Variants in ACKR2 observed in about 807,000 individuals in gnomAD.
ACKR2 encodes atypical chemokine receptor 2.
For missense variants in ACKR2, 457 were observed against 477.3 expected, an observed-to-expected ratio of 0.96 and a Z score of 0.40; for synonymous variants, 207 against 192.2, an observed-to-expected ratio of 1.08 and a Z score of -0.64.
At chr3:42,840,321 C>T (rs1409283603) in intron 2 of ACKR2, among the ~76,000 whole-genome samples, 1 of 148,814 alleles carries the variant, frequency 6.7e-6, no homozygotes, top group African/African-American at 2.5e-5. Context: ...GAGTCTGAGG[C>T]CAGACTTTCT....
At chr3:42,832,904 C>A (rs1700945809) in intron 2 of ACKR2, among the ~76,000 whole-genome samples, 1 of 151,588 alleles carries the variant, frequency 6.6e-6, no homozygotes, top group Middle Eastern at 3.2e-3. Context: ...GACTCTGTTG[C>A]CCAGGCTGGA....
intron 2 of ACKR2, among the ~76,000 whole-genome samples, chr3:42,858,484 CAA>C (rs1217003270): frequency 6.6e-6 from 1 of 152,116 alleles, no homozygotes; most frequent in Non-Finnish European, 1.5e-5. Context: ...TCAACATCAA[CAA>C]AAGAGACATC....
intron 2 of ACKR2, among the ~76,000 whole-genome samples, chr3:42,821,853 C>T (rs1037317491): frequency 1.3e-5 from 2 of 151,914 alleles, no homozygotes; most frequent in Non-Finnish European, 2.9e-5. Flanking sequence ...CCCACTACCA[C>T]GCCCGGCTAA....
chr3:42,865,274 G>T lies in ACKR2; in HGVS notation c.772G>T (p.Ala258Ser). ...ALKIAAALVV[A>S]FFVLWFPYNL... is the part of the protein sequence containing the mutation. Reference sequence around the variant, plus strand: ...AAAAATAGCTGCAGCCTTGGTGGTGGCCTTCTTCGTGCTATGGTTCCCATA... The same window carrying T: ...AAAAATAGCTGCAGCCTTGGTGGTGTCCTTCTTCGTGCTATGGTTCCCATA... Residue 258 changes from alanine (A) to serine (S), a missense_variant, in exon 3 of 3, where the codon GCC becomes TCC. Physicochemically the swap from Ala to Ser is moderately conservative, Grantham distance 99. Coordinates refer to ENST00000422265, the MANE Select transcript of ACKR2 (RefSeq NM_001296.5). 1 of 1,614,204 alleles carries T rather than the reference G, an allele frequency of 6.2e-7. No homozygotes were observed. Among genetic ancestry groups the T allele is most frequent in the Non-Finnish European group, 8.5e-7 (1 of 1,180,046 alleles).
chr3:42,839,761 C>G (rs1012038829), intron 2 of ACKR2, among the ~76,000 whole-genome samples: 1 of 152,118 alleles, frequency 6.6e-6, no homozygotes, highest in African/African-American at 2.4e-5. Context: ...AGAGGATGAT[C>G]GGATGCTCCA....
chr3:42,831,571 A>T (rs1700932686), intron 2 of ACKR2, among the ~76,000 whole-genome samples: 2 of 152,132 alleles, frequency 1.3e-5, no homozygotes, highest in South Asian at 4.1e-4. Context: ...CTGAGTGTGG[A>T]TGAGCTCCAT....
chr3:42,865,458 T>G lies in ACKR2; in HGVS notation c.956T>G (p.Phe319Cys). 6.2e-7 allele frequency: 1 copy of G among 1,614,144 alleles called. No homozygotes were observed. The highest frequency in any genetic ancestry group is 8.5e-7 in the Non-Finnish European group (1 of 1,180,034). Residue 319 changes from phenylalanine (F) to cysteine (C), a missense_variant, in exon 3 of 3, where the codon TTC (phenylalanine) becomes TGC (cysteine). By Grantham distance (205) the Phe-to-Cys change is radical. Coordinates refer to ENST00000422265, the MANE Select transcript of ACKR2 (RefSeq NM_001296.5). ...PILYAFSSHRFRQYLKAFLAA... is the reference protein window; with the variant it reads ...PILYAFSSHRCRQYLKAFLAA... ...CTGTATGCCTTCTCCAGTCACCGCT[T>G]CCGCCAGTACCTGAAGGCTTTCCTG...
At chr3:42,860,691 G>A (rs370435507) in intron 2 of ACKR2, among the ~76,000 whole-genome samples, 1 of 152,176 alleles carries the variant, frequency 6.6e-6, no homozygotes, top group South Asian at 2.1e-4. Context: ...TCAAGTTAGA[G>A]TTCAAGATTA....
chr3:42,860,208 G>A (rs1186255980), intron 2 of ACKR2, among the ~76,000 whole-genome samples: 1 of 96,268 alleles, frequency 1.0e-5, no homozygotes, highest in African/African-American at 3.7e-5. Flanking sequence ...TGCAATCCTA[G>A]TCTCTGATAA....
At chr3:42,818,575 T>G (rs1178585286) in intron 1 of ACKR2, among the ~76,000 whole-genome samples, 1 of 152,158 alleles carries the variant, frequency 6.6e-6, no homozygotes, top group Non-Finnish European at 1.5e-5. Context: ...TGGCATAATT[T>G]TTTTGAGACG....
rs17074830 is a variant in ACKR2 at position 42,812,649 on chromosome 3, C to G, written c.-119+3117C>G. On this transcript the variant is annotated intron_variant, in intron 1 of 2. Coordinates refer to ENST00000422265, the MANE Select transcript of ACKR2 (RefSeq NM_001296.5). ...TTCCATGCAGCTTAAAACTGAAAACCTTTAATAAAAGTGGTTGGGCAATTT... is the reference window on the plus strand; with the variant it reads ...TTCCATGCAGCTTAAAACTGAAAACGTTTAATAAAAGTGGTTGGGCAATTT... Among the ~76,000 whole-genome samples the G allele has an allele frequency of 8.7e-3, 1,197 of 137,718 alleles. 18 individuals are homozygous for G. Among genetic ancestry groups the G allele is most frequent in the African/African-American group, 0.03 (1,126 of 37,314 alleles). 90.3% of individuals were successfully genotyped at this position (137,718 alleles called of 152,430 possible). A position where few individuals can be genotyped will look rare whatever the true frequency, so the allele number is the denominator to read the frequency against.
intron 2 of ACKR2, among the ~76,000 whole-genome samples, chr3:42,845,848 CAAAAAAAAAA>C (rs35395771): frequency 2.0e-5 from 1 of 49,416 alleles, no homozygotes; most frequent in African/African-American, 5.8e-5. Context: ...GACTCCGTCT[CAAAAAAAAAA>C]AAAAAAAGAA....
chr3:42,834,225 C>T (rs1487814819), intron 2 of ACKR2, among the ~76,000 whole-genome samples: 6 of 152,068 alleles, frequency 3.9e-5, no homozygotes, highest in Middle Eastern at 3.2e-3. Context: ...CCCAAAGTAC[C>T]GGGATTACAG....
intron 2 of ACKR2, among the ~76,000 whole-genome samples, chr3:42,828,092 A>ATATTTTTTTTTTTTTTTTTTTTTT (rs1193533555): frequency 8.2e-6 from 1 of 121,900 alleles, no homozygotes; most frequent in African/African-American, 3.2e-5. Context: ...ATATATATAT[A>ATATTTTTTTTTTTTTTTTTTTTTT]TTTTTTTTTT....
At chr3:42,853,853 C>T (rs956010711) in intron 2 of ACKR2, among the ~76,000 whole-genome samples, 5 of 152,152 alleles carry the variant, frequency 3.3e-5, no homozygotes, top group African/African-American at 1.2e-4. Context: ...AAGTATTTTC[C>T]ACTAGAAGTG....
intron 2 of ACKR2, among the ~76,000 whole-genome samples, chr3:42,837,594 T>C (rs1700997861): frequency 6.6e-6 from 1 of 152,086 alleles, no homozygotes; most frequent in Non-Finnish European, 1.5e-5. Flanking sequence ...CAGATCACCT[T>C]TTCTCTGTTT....
In ACKR2 at chr3:42,852,024, T is replaced by G. The variant is rs1483614135; in HGVS notation, c.-37-12442T>G. 6.6e-6 allele frequency among the ~76,000 whole-genome samples: 1 copy of G among 152,226 alleles called. No individual in the cohort carries two copies. The highest frequency in any genetic ancestry group is 2.4e-5 in the African/African-American group (1 of 41,470). On this transcript the variant is annotated intron_variant, in intron 2 of 2. Transcript: ENST00000422265. This position sits in a 1 kb window ranked among gnomAD's most constrained non-coding sequence, Gnocchi z 4.3. ...ATTTAATCAGCGAGTTTATTCATTTTAGGGGCTGGAAGAGAACCAATAGTA... is the reference window on the plus strand; with the variant it reads ...ATTTAATCAGCGAGTTTATTCATTTGAGGGGCTGGAAGAGAACCAATAGTA...
chr3:42,817,881 T>C (rs969903006), intron 1 of ACKR2, among the ~76,000 whole-genome samples: 9 of 152,220 alleles, frequency 5.9e-5, no homozygotes, highest in African/African-American at 2.2e-4. Context: ...ACTCTTCTTC[T>C]CATTCTCCTT....
rs1423719411 is a variant in ACKR2, at chr3:42,864,691, G to A, written c.189G>A (p.Gly63=). Residue 63 remains glycine, a synonymous_variant, in exon 3 of 3, where the codon GGG becomes GGA. Coordinates refer to ENST00000422265, the MANE Select transcript of ACKR2 (RefSeq NM_001296.5). ...YSLIFVLGLS[G]NLLLLMVLLR... ...TGATTTTTGTGTTGGGCCTCAGCGG[G>A]AACCTCCTTCTTCTCATGGTCTTGC... 1 of 1,614,182 alleles carries A rather than the reference G, an allele frequency of 6.2e-7. No individual in the cohort carries two copies. The highest frequency in any genetic ancestry group is 2.2e-5 in the East Asian group (1 of 44,880).
Sources: gnomAD v4.1 joint callset for allele counts (sites outside exome capture counted in the v4.1 genomes callset) on GRCh38, gnomAD v4.1.1 for gene constraint, Gnocchi (gnomAD v3.1) non-coding constraint, MANE v1.5 for transcripts, NCBI Gene and HGNC (gene_info 2026-07-23, HGNC 2026-07-21) for gene names.